The following WDR64 variants were observed in gnomAD, a reference collection of about 807,000 sequenced individuals.
The protein encoded by WDR64 is WD repeat domain 64.
A neutral mutation model predicts 139.3 loss-of-function variants in WDR64; 112 were observed. That is an observed-to-expected ratio of 0.80 (90% CI 0.69 to 0.94). The LOEUF (loss-of-function observed/expected upper bound fraction) is 0.94, where lower values mean the gene tolerates loss of function less well. Ranked by LOEUF, WDR64 falls within the 40% of genes least tolerant of loss-of-function variation. WDR64 has a pLI of 0.00. For missense variants in WDR64, 1,206 were observed against 1,293.1 expected (o/e 0.93, Z 1.03); for synonymous variants, 444 against 437.7 (o/e 1.01, Z -0.18).
intron 2 of WDR64, among the ~76,000 whole-genome samples, chr1:241,663,039 G>C (rs1159105102): frequency 1.3e-5 from 2 of 152,000 alleles, no homozygotes; most frequent in African/African-American, 4.8e-5. Flanking sequence ...AAAGATACAT[G>C]GAAGAATCAA....
chr1:241,766,227 A>G lies in WDR64; in HGVS notation c.1957A>G (p.Met653Val), dbSNP rs1321495700. 6.2e-7 allele frequency: 1 copy of G among 1,613,806 alleles called. No individual in the cohort carries two copies. The highest frequency in any genetic ancestry group is 1.3e-5 in the African/African-American group (1 of 74,908). ...NFSQPTDNPT[M>V]DLLRVNCIDL... ...TTCCTTCGTTCTTCAGAATCCCACC[A>G]TGGATTTATTACGAGTGAACTGCAT... Residue 653 changes from methionine to valine, a missense_variant, in exon 16 of 28, where the codon ATG becomes GTG. By Grantham distance (21) the Met-to-Val change is conservative. Coordinates refer to ENST00000437684, the MANE Select transcript of WDR64 (RefSeq NM_001367482.1).
chr1:241,691,564 T>C (rs1217392366), intron 8 of WDR64, among the ~76,000 whole-genome samples: 4 of 152,054 alleles, frequency 2.6e-5, no homozygotes, highest in Non-Finnish European at 4.4e-5. Flanking sequence ...CATCAACTTG[T>C]AAAAAACATC....
intron 15 of WDR64, among the ~76,000 whole-genome samples, chr1:241,765,895 C>T (rs140884124): frequency 5.4e-4 from 82 of 152,048 alleles, no homozygotes; most frequent in Admixed American, 7.9e-4. Context: ...TAAGTGGAAA[C>T]GACGAACGTA....
chr1:241,795,702 GC>G (rs369672302), intron 26 of WDR64, among the ~76,000 whole-genome samples: 1 of 152,064 alleles, frequency 6.6e-6, no homozygotes, highest in East Asian at 1.9e-4. Flanking sequence ...TGCCCGTGCT[GC>G]CCCCCTGCCC....
chr1:241,653,720 T>C (rs1462081267), intron 1 of WDR64, among the ~76,000 whole-genome samples: 2 of 151,982 alleles, frequency 1.3e-5, no homozygotes, highest in African/African-American at 2.4e-5. Context: ...ATTTTTTGTA[T>C]TTTTAGTAGA....
chr1:241,682,324 A>G (rs934979754), intron 6 of WDR64, among the ~76,000 whole-genome samples: 3 of 152,342 alleles, frequency 2.0e-5, no homozygotes, highest in Admixed American at 1.3e-4. Context: ...ATGAGGATCC[A>G]GTTTCATTCT....
intron 8 of WDR64, among the ~76,000 whole-genome samples, chr1:241,693,710 A>G (rs1667385947): frequency 6.6e-6 from 1 of 152,172 alleles, no homozygotes; most frequent in East Asian, 1.9e-4. Flanking sequence ...TCTGAAAAAT[A>G]AAATCTAGTT....
At chr1:241,766,440 G>A (rs939829339) in intron 16 of WDR64, 89 bp downstream of exon 16, 3 of 1,447,126 alleles carry the variant, frequency 2.1e-6, no homozygotes, top group Non-Finnish European at 1.8e-6. Context: ...GCTGGGCGCG[G>A]TGGCTCAGGT....
chr1:241,700,262 C>T (rs982941345), intron 8 of WDR64, among the ~76,000 whole-genome samples: 2 of 150,840 alleles, frequency 1.3e-5, no homozygotes, highest in Non-Finnish European at 2.9e-5. Flanking sequence ...CAGTAGGCCA[C>T]CAATTCTTGT....
At position 241,766,343 on chromosome 1, in the gene WDR64, C is replaced by T. The variant is rs199624522; in HGVS notation, c.2073C>T (p.Val691=). 4.1e-5 allele frequency: 66 copies of T among 1,612,954 alleles called. No homozygotes were observed. Among genetic ancestry groups the T allele is most frequent in the Middle Eastern group, 3.3e-4 (2 of 6,062 alleles). ...TATGGAATTTTGTGACGTCTACTGT[C>T]AAAAAAGTGTAAGTTGTGTATTATC... ...IILWNFVTST[V]KKVYRPEDCF... The change falls in exon 16 of 28, where the codon GTC becomes GTT. Residue 691 remains valine (V), a synonymous_variant. Coordinates refer to ENST00000437684, the MANE Select transcript of WDR64 (RefSeq NM_001367482.1).
chr1:241,799,405 A>G (rs2148336807), intron 27 of WDR64, among the ~76,000 whole-genome samples: 1 of 151,916 alleles, frequency 6.6e-6, no homozygotes. Flanking sequence ...TTAATGACAG[A>G]AAAATTATCA....
At chr1:241,661,575 C>T (rs1665834512) in intron 2 of WDR64, among the ~76,000 whole-genome samples, 1 of 152,196 alleles carries the variant, frequency 6.6e-6, no homozygotes, top group African/African-American at 2.4e-5. Flanking sequence ...TAAAATAACA[C>T]TGAATTGAAC....
At chr1:241,734,914 A>G (rs12029424) in intron 10 of WDR64, among the ~76,000 whole-genome samples, 23,943 of 152,110 alleles carry the variant, frequency 0.16, 2,186 homozygotes, top group East Asian at 0.28. Context: ...CACAATGACA[A>G]AATCACCTAA....
At chr1:241,761,214 C>T (rs564669919) in intron 15 of WDR64, among the ~76,000 whole-genome samples, 61 of 152,044 alleles carry the variant, frequency 4.0e-4, no homozygotes, top group African/African-American at 1.4e-3. Context: ...AATGAGAAGA[C>T]TTTTAAAAAG....
chr1:241,740,942 T>A lies in WDR64; in HGVS notation c.1322-574T>A, dbSNP rs116543741. Reference sequence around the variant, plus strand: ...GCAAGTAAAGCATACCTGCTCCTCATCTACTTCTACTTTACAGTGGTGATT... The same window carrying A: ...GCAAGTAAAGCATACCTGCTCCTCAACTACTTCTACTTTACAGTGGTGATT... On this transcript the variant is annotated intron_variant, in intron 11 of 27. Coordinates refer to ENST00000437684, the MANE Select transcript of WDR64 (RefSeq NM_001367482.1). 1.1e-3 allele frequency among the ~76,000 whole-genome samples: 169 copies of A among 152,374 alleles called. 2 individuals are homozygous for A. The highest frequency in any genetic ancestry group is 3.4e-3 in the Middle Eastern group (1 of 294).
intron 13 of WDR64, among the ~76,000 whole-genome samples, chr1:241,746,982 A>G (rs1669784017): frequency 6.6e-6 from 1 of 152,112 alleles, no homozygotes; most frequent in Non-Finnish European, 1.5e-5. Context: ...CTGGTCTCGG[A>G]ACTCCTGACC....
chr1:241,769,926 G>A (rs1658362638), intron 17 of WDR64, among the ~76,000 whole-genome samples: 1 of 152,200 alleles, frequency 6.6e-6, no homozygotes, highest in South Asian at 2.1e-4. Context: ...CACTATAACT[G>A]AGCAATTGTC....
At chr1:241,758,322 T>A (rs1203053150) in intron 15 of WDR64, among the ~76,000 whole-genome samples, 1 of 151,944 alleles carries the variant, frequency 6.6e-6, no homozygotes, top group African/African-American at 2.4e-5. Context: ...GTCTTTTTTT[T>A]TTTTGTATCT....
At chr1:241,744,619 C>A in intron 13 of WDR64, 103 bp downstream of exon 13, 1 of 1,477,506 alleles carries the variant, frequency 6.8e-7, no homozygotes, top group Non-Finnish European at 9.2e-7. Flanking sequence ...ATGAAGCAGG[C>A]TGGACTATGT....
Sources: allele counts gnomAD v4.1 joint callset (sites outside exome capture counted in the v4.1 genomes callset), GRCh38; gene constraint gnomAD v4.1.1; transcripts MANE v1.5; gene names NCBI Gene and HGNC (gene_info 2026-07-23, HGNC 2026-07-21).